KPNA1: variants seen among roughly 807,000 people sequenced by gnomAD.
KPNA1 encodes importin subunit alpha-5.
Under a neutral mutation model 70.5 loss-of-function variants are expected in KPNA1, and 10 were observed. The observed-to-expected ratio is 0.14, with a 90% CI of 0.09 to 0.24. KPNA1 has a LOEUF of 0.24. KPNA1 is among the 10% of genes least tolerant of loss of function. The pLI, the probability that KPNA1 is intolerant of heterozygous loss-of-function variation, is 1.00. For missense variants in KPNA1, 397 were observed against 637.9 expected (o/e 0.62, Z 4.07); for synonymous variants, 192 against 221.9 (o/e 0.87, Z 1.20).
intron 2 of KPNA1, 105 bp from the exon 3 acceptor site, chr3:122,467,534 A>G: frequency 3.3e-6 from 2 of 602,742 alleles, no homozygotes; most frequent in Non-Finnish European, 5.7e-6. Context: ...TTTGAAAATC[A>G]TTTTTAAAAT....
At chr3:122,439,164 A>C (rs2076029803) in intron 10 of KPNA1, among the ~76,000 whole-genome samples, 1 of 152,180 alleles carries the variant, frequency 6.6e-6, no homozygotes, top group African/African-American at 2.4e-5. Flanking sequence ...ATTACAAAGT[A>C]CTGTAAGAAC....
intron 12 of KPNA1, chr3:122,433,213 T>C (rs2075936720): frequency 1.3e-5 from 2 of 153,582 alleles, no homozygotes; most frequent in East Asian, 1.9e-4. Context: ...TTCTCAGACA[T>C]ACCACTCTTT....
At position 122,422,086 on chromosome 3, in the gene KPNA1, A is replaced by AGAGTG. The variant is rs2075771046; in HGVS notation, c.*4894_*4898dup. ...GTCAGAACACTTTGAAGCAGGATGTAGAGTGGTCAGAATGACTTGAGGTAA... is the reference window on the plus strand; with the variant it reads ...GTCAGAACACTTTGAAGCAGGATGTAGAGTGGAGTGGTCAGAATGACTTGAGGTAA... On this transcript the variant is annotated 3_prime_UTR_variant, in exon 14 of 14. Transcript: ENST00000344337. 1 of 152,226 alleles carries AGAGTG rather than the reference A, an allele frequency of 6.6e-6. No individual in the cohort carries two copies. The highest frequency in any genetic ancestry group is 1.5e-5 in the Non-Finnish European group (1 of 68,048). 9.4% of individuals were successfully genotyped at this position (152,226 alleles called of 1,614,324 possible).
At chr3:122,484,589 GCTGAGATCACACCA>G (rs2076607754) in intron 2 of KPNA1, among the ~76,000 whole-genome samples, 1 of 149,134 alleles carries the variant, frequency 6.7e-6, no homozygotes, top group Non-Finnish European at 1.5e-5. Context: ...GTTGCAGTGA[GCTGAGATCACACCA>G]CTGCACTCCA....
intron 5 of KPNA1, among the ~76,000 whole-genome samples, chr3:122,460,919 T>C (rs1294250188): frequency 6.6e-6 from 1 of 152,200 alleles, no homozygotes; most frequent in Non-Finnish European, 1.5e-5. Flanking sequence ...CCAAATTTTA[T>C]GTAGCCCACA....
At chr3:122,475,371 A>T (rs1166362790) in intron 2 of KPNA1, among the ~76,000 whole-genome samples, 2 of 152,220 alleles carry the variant, frequency 1.3e-5, no homozygotes. Context: ...AAATGAATGG[A>T]AAGATATTCT....
chr3:122,512,843 ACTC>A (rs1458546488), intron 1 of KPNA1, among the ~76,000 whole-genome samples: 16 of 152,144 alleles, frequency 1.1e-4, no homozygotes, highest in Admixed American at 6.6e-4. Context: ...AGGACTGTAA[ACTC>A]CTCAAGGCTT....
chr3:122,501,279 G>A lies in KPNA1; in HGVS notation c.-5-4709C>T, dbSNP rs368575848. 5.3e-5 allele frequency among the ~76,000 whole-genome samples: 8 copies of A among 151,952 alleles called. No homozygotes were observed. The East Asian group carries it at 5.8e-4, about 11-fold the overall frequency. On this transcript the variant is annotated intron_variant, in intron 1 of 13. Coordinates refer to ENST00000344337, the MANE Select transcript of KPNA1 (RefSeq NM_002264.4). ...GACCTCAAGTGATCCACCCACCTCC[G>A]CGTCCTGAAGTGCTGGGATTACAGG...
intron 12 of KPNA1, among the ~76,000 whole-genome samples, chr3:122,429,220 G>A (rs765275532): frequency 6.6e-6 from 1 of 152,062 alleles, no homozygotes; most frequent in African/African-American, 2.4e-5. Context: ...GGAGGCCAAC[G>A]CGGGTGGATC....
intron 2 of KPNA1, among the ~76,000 whole-genome samples, chr3:122,474,278 C>A (rs2076474335): frequency 6.6e-6 from 1 of 152,148 alleles, no homozygotes; most frequent in South Asian, 2.1e-4. Flanking sequence ...TGCTTCCCAA[C>A]TAGACCTATA....
intron 10 of KPNA1, among the ~76,000 whole-genome samples, chr3:122,438,391 T>G (rs1325311976): frequency 7.8e-6 from 1 of 127,814 alleles, no homozygotes; most frequent in East Asian, 2.3e-4. Context: ...TTCTTTTTTG[T>G]TTTTTTTTTT....
rs1222528988 is a variant in KPNA1, at chr3:122,423,256, T to C, written c.*3729A>G. ...AATATTTCCCAACCTGGCAGATATATACTTAATCTGTTCAGCTCACAACAG... is the reference window on the plus strand; with the variant it reads ...AATATTTCCCAACCTGGCAGATATACACTTAATCTGTTCAGCTCACAACAG... On this transcript the variant is annotated 3_prime_UTR_variant, in exon 14 of 14. Transcript: ENST00000344337. 6.6e-6 allele frequency: 1 copy of C among 152,210 alleles called. No individual in the cohort carries two copies. The highest frequency in any genetic ancestry group is 6.5e-5 in the Admixed American group (1 of 15,276). The allele number at this position is 152,210 out of a possible 1,614,324, so 9.4% of individuals were successfully genotyped here.
At chr3:122,468,696 T>C (rs1388428001) in intron 2 of KPNA1, among the ~76,000 whole-genome samples, 4 of 152,184 alleles carry the variant, frequency 2.6e-5, no homozygotes, top group Non-Finnish European at 5.9e-5. Flanking sequence ...CTAAGGGCTT[T>C]AAATGGATAA....
intron 5 of KPNA1, among the ~76,000 whole-genome samples, chr3:122,454,645 T>C (rs2076245968): frequency 6.6e-6 from 1 of 152,132 alleles, no homozygotes; most frequent in Admixed American, 6.5e-5. Context: ...AGGTATCAAA[T>C]GATAAGTAGG....
intron 1 of KPNA1, among the ~76,000 whole-genome samples, chr3:122,509,290 T>C (rs750874751): frequency 2.7e-5 from 4 of 149,606 alleles, no homozygotes; most frequent in African/African-American, 7.4e-5. Flanking sequence ...AAGGCAAACA[T>C]GTGAGCAAAA....
intron 2 of KPNA1, among the ~76,000 whole-genome samples, chr3:122,491,858 T>TA (rs2076703007): frequency 7.6e-6 from 1 of 131,366 alleles, no homozygotes. Context: ...ACATTTTTTT[T>TA]TTTTTTTTTT....
At chr3:122,488,890 T>C (rs895491716) in intron 2 of KPNA1, among the ~76,000 whole-genome samples, 1 of 152,214 alleles carries the variant, frequency 6.6e-6, no homozygotes, top group South Asian at 2.1e-4. Context: ...ATTCACTTAG[T>C]TCCTTCAATC....
In KPNA1 at chr3:122,496,649, T is replaced by C. The variant is rs558407843; in HGVS notation, c.-5-79A>G. On this transcript the variant is annotated intron_variant, in intron 1 of 13. Coordinates refer to ENST00000344337, the MANE Select transcript of KPNA1 (RefSeq NM_002264.4). Reference sequence around the variant, plus strand: ...TTCTAAGAGCTCAGTCTTTTAAACATATACATGCCCAGACATATCCCAAAG... The same window carrying C: ...TTCTAAGAGCTCAGTCTTTTAAACACATACATGCCCAGACATATCCCAAAG... The C allele has an allele frequency of 9.1e-6, 12 of 1,320,646 alleles. No homozygotes were observed. The South Asian group carries it at 1.3e-4, about 14-fold the overall frequency. The allele number at this position is 1,320,646 out of a possible 1,614,324, so 81.8% of individuals were successfully genotyped here.
At chr3:122,492,760 A>C (rs1429522861) in intron 2 of KPNA1, among the ~76,000 whole-genome samples, 1 of 152,200 alleles carries the variant, frequency 6.6e-6, no homozygotes, top group African/African-American at 2.4e-5. Flanking sequence ...ACAGAACATA[A>C]TTTTAACATT....
Sources: allele counts gnomAD v4.1 joint callset (sites outside exome capture counted in the v4.1 genomes callset), GRCh38; gene constraint gnomAD v4.1.1; transcripts MANE v1.5; gene names NCBI Gene and HGNC (gene_info 2026-07-23, HGNC 2026-07-21).